FARS2: variants seen among roughly 807,000 people sequenced by gnomAD.
FARS2 encodes phenylalanyl-tRNA synthetase 2, mitochondrial.
In FARS2, 40 loss-of-function variants were observed where a neutral mutation model predicts 46.4. The observed-to-expected ratio is 0.86, with a 90% confidence interval of 0.67 to 1.12. The LOEUF is 1.12. Ranked by LOEUF, FARS2 falls within the 50% of genes most tolerant of loss-of-function variation. The probability of loss-of-function intolerance (pLI) is 0.00; values close to 1 mark genes in which losing one functional copy is unlikely to be tolerated. For missense variants in FARS2, 513 were observed against 567.9 expected (o/e 0.90, Z 0.98); for synonymous variants, 234 against 214.9 (o/e 1.09, Z -0.78).
intron 4 of FARS2, among the ~76,000 whole-genome samples, chr6:5,483,512 C>G (rs1171144939): frequency 1.3e-5 from 2 of 151,886 alleles, no homozygotes; most frequent in Non-Finnish European, 2.9e-5. Flanking sequence ...ACTAAAAATA[C>G]AAAAATTAAC....
At chr6:5,664,453 T>C (rs1310881004) in intron 6 of FARS2, among the ~76,000 whole-genome samples, 1 of 152,188 alleles carries the variant, frequency 6.6e-6, no homozygotes, top group East Asian at 1.9e-4. Context: ...GTCTGCTTGG[T>C]CTTGCACCAA....
chr6:5,293,039 C>T (rs1361601408), intron 1 of FARS2, among the ~76,000 whole-genome samples: 1 of 152,208 alleles, frequency 6.6e-6, no homozygotes, highest in Non-Finnish European at 1.5e-5. Context: ...AAAGCACTGA[C>T]AAGTGGCTAC....
At chr6:5,408,561 G>C (rs1423981059) in intron 3 of FARS2, among the ~76,000 whole-genome samples, 4 of 152,156 alleles carry the variant, frequency 2.6e-5, no homozygotes, top group Non-Finnish European at 5.9e-5. Flanking sequence ...TCCTGAACAG[G>C]TCACGTAGCA....
chr6:5,488,254 A>G (rs763889985), intron 4 of FARS2, among the ~76,000 whole-genome samples: 42 of 152,200 alleles, frequency 2.8e-4, no homozygotes, highest in African/African-American at 9.9e-4. Context: ...GTACAGACAT[A>G]CATTAGTGAT....
At chr6:5,333,854 A>T (rs1018013933) in intron 1 of FARS2, among the ~76,000 whole-genome samples, 4 of 152,092 alleles carry the variant, frequency 2.6e-5, no homozygotes, top group Non-Finnish European at 5.9e-5. Context: ...CTACTGCATC[A>T]TCCCTGTTTG....
intron 6 of FARS2, among the ~76,000 whole-genome samples, chr6:5,693,699 G>T (rs1436799902): frequency 6.6e-6 from 1 of 152,174 alleles, no homozygotes; most frequent in African/African-American, 2.4e-5. Flanking sequence ...CGAAGACTGG[G>T]AGTGACTGCT....
intron 4 of FARS2, among the ~76,000 whole-genome samples, chr6:5,497,173 A>G (rs952883306): frequency 1.3e-5 from 2 of 152,238 alleles, no homozygotes; most frequent in African/African-American, 2.4e-5. Context: ...GAATGGTAGC[A>G]TCGTTATCAT....
At chr6:5,709,779 G>A (rs1759024049) in intron 6 of FARS2, among the ~76,000 whole-genome samples, 1 of 151,794 alleles carries the variant, frequency 6.6e-6, no homozygotes, top group Admixed American at 6.6e-5. Context: ...AGATTCTGAT[G>A]TAGTGGAGCT....
At chr6:5,253,662 C>T in the FARS2 span, among the ~76,000 whole-genome samples, 28 of 152,142 alleles carry the variant, frequency 1.8e-4, no homozygotes, top group Middle Eastern at 3.4e-3. Flanking sequence ...GGAGCCTAGT[C>T]GCCGGCCATT....
chr6:5,701,970 C>A (rs1275289888), intron 6 of FARS2, among the ~76,000 whole-genome samples: 1 of 152,120 alleles, frequency 6.6e-6, no homozygotes, highest in Non-Finnish European at 1.5e-5. Flanking sequence ...TTGTCAGATA[C>A]AAAATACAGC....
chr6:5,581,315 C>T (rs1019990116), intron 5 of FARS2, among the ~76,000 whole-genome samples: 3 of 152,196 alleles, frequency 2.0e-5, no homozygotes, highest in Non-Finnish European at 4.4e-5. Context: ...ACAAAACCCA[C>T]GCACACACAT....
intron 5 of FARS2, among the ~76,000 whole-genome samples, chr6:5,584,394 G>T (rs924772256): frequency 2.6e-5 from 4 of 152,052 alleles, no homozygotes; most frequent in Non-Finnish European, 2.9e-5. Context: ...GAACAAACAA[G>T]CAGACCTTTT....
chr6:5,388,469 G>A (rs1003075292), intron 2 of FARS2, among the ~76,000 whole-genome samples: 2 of 152,172 alleles, frequency 1.3e-5, no homozygotes, highest in Non-Finnish European at 1.5e-5. Flanking sequence ...ACCATCGCCA[G>A]TAATAAAATA....
chr6:5,460,996 G>T (rs1765210521), intron 4 of FARS2, among the ~76,000 whole-genome samples: 1 of 151,824 alleles, frequency 6.6e-6, no homozygotes, highest in South Asian at 2.1e-4. Flanking sequence ...TTGTGTATGT[G>T]TGTGTGTTTA....
intron 6 of FARS2, among the ~76,000 whole-genome samples, chr6:5,627,467 A>G (rs959792521): frequency 6.6e-6 from 1 of 152,268 alleles, no homozygotes; most frequent in African/African-American, 2.4e-5. Context: ...GTAATTGCTT[A>G]TCTCAGAATT....
At chr6:5,734,090 G>A (rs1435749165) in intron 6 of FARS2, among the ~76,000 whole-genome samples, 1 of 152,200 alleles carries the variant, frequency 6.6e-6, no homozygotes, top group Non-Finnish European at 1.5e-5. Flanking sequence ...GCCGAAACCT[G>A]CTGTGGACAA....
intron 6 of FARS2, among the ~76,000 whole-genome samples, chr6:5,669,760 G>A (rs1435662187): frequency 6.6e-6 from 1 of 152,142 alleles, no homozygotes; most frequent in African/African-American, 2.4e-5. Context: ...CGGAGTGGCT[G>A]CCGGCACCAC....
At chr6:5,685,769 C>G (rs188410450) in intron 6 of FARS2, among the ~76,000 whole-genome samples, 1 of 152,258 alleles carries the variant, frequency 6.6e-6, no homozygotes, top group East Asian at 1.9e-4. Flanking sequence ...GAGCTGAGGC[C>G]GCACTCAAGG....
At chr6:5,558,559 C>T (rs144822353) in intron 5 of FARS2, among the ~76,000 whole-genome samples, 6,292 of 151,932 alleles carry the variant, frequency 0.041, 279 homozygotes, top group African/African-American at 0.099. Context: ...TTTTTTGAGA[C>T]GGAGTCTCTC....
Sources: allele counts gnomAD v4.1 joint callset (sites outside exome capture counted in the v4.1 genomes callset), GRCh38; gene constraint gnomAD v4.1.1; transcripts MANE v1.5; gene names NCBI Gene and HGNC (gene_info 2026-07-23, HGNC 2026-07-21).